The following ATP1A3 variants were observed in gnomAD, a reference collection of about 807,000 sequenced individuals.
ATP1A3 encodes the protein sodium/potassium-transporting ATPase subunit alpha-3.
Under a neutral mutation model 108.8 loss-of-function variants are expected in ATP1A3, and 12 were observed. The ratio of observed to expected loss-of-function variants is 0.11; its 90% CI spans 0.07 to 0.18. The LOEUF (loss-of-function observed/expected upper bound fraction) is 0.18, where lower values mean the gene tolerates loss of function less well. Among genes scored for constraint, ATP1A3 ranks in the 10% least tolerant of loss-of-function variants. ATP1A3 has a pLI of 1.00. For synonymous variants in ATP1A3, 539 were observed against 564.5 expected, an observed-to-expected ratio of 0.95 and a Z score of 0.64; for missense variants, 498 against 1,387.7, an observed-to-expected ratio of 0.36 and a Z score of 10.19.
At chr19:41,986,094 C>T in intron 5 of ATP1A3, 22 bp downstream of exon 5, 1 of 1,614,150 alleles carries the variant, frequency 6.2e-7, no homozygotes, top group Non-Finnish European at 8.5e-7. Flanking sequence ...CCCCGTCTGG[C>T]CCCTTGCTGG....
chr19:41,967,651 G>A lies in ATP1A3; in HGVS notation c.2921+11C>T, dbSNP rs190570469. On this transcript the variant is annotated intron_variant, in intron 21 of 22. Transcript: ENST00000648268. The surrounding 1 kb of genome is among the most constrained non-coding windows in gnomAD (Gnocchi z 4.2). ...TGGTGTGGGCAGGGCTGGGGGCAGC[G>A]GGGCACTCACTTGAGAGGGTACATG... 4.0e-4 allele frequency: 648 copies of A among 1,613,348 alleles called. No homozygotes were observed. The African/African-American group carries it at 7.3e-3, about 18-fold the overall frequency.
chr19:41,967,424 GC>G lies in ATP1A3; in HGVS notation c.2922-85del. 1.4e-6 allele frequency: 2 copies of G among 1,464,426 alleles called. No homozygotes were observed. The highest frequency in any genetic ancestry group is 1.9e-6 in the Non-Finnish European group (2 of 1,070,796). The allele number at this position is 1,464,426 out of a possible 1,614,324, so 90.7% of individuals were successfully genotyped here. On this transcript the variant is annotated intron_variant, in intron 21 of 22. Transcript: ENST00000648268. This position sits in a 1 kb window ranked among gnomAD's most constrained non-coding sequence, Gnocchi z 4.2. ...AGGGGACTGGAGGGGACGCAGAGGGGCAGTCTCCCAGGATCCTTCGTGCTCA... is the reference window on the plus strand; with the variant it reads ...AGGGGACTGGAGGGGACGCAGAGGGGAGTCTCCCAGGATCCTTCGTGCTCA...
intron 11 of ATP1A3, among the ~76,000 whole-genome samples, chr19:41,980,778 G>A (rs1454984137): frequency 6.6e-6 from 1 of 152,034 alleles, no homozygotes; most frequent in Non-Finnish European, 1.5e-5. Context: ...GGGCATGGTG[G>A]CGGGCGCCTG....
Position 41,978,468 on chromosome 19 carries a change from CT to C in ATP1A3, c.1630+137del, listed in dbSNP as rs2145965544. 1 of 1,482,684 alleles carries C rather than the reference CT, an allele frequency of 6.7e-7. No homozygotes were observed. 91.8% of individuals were successfully genotyped at this position (1,482,684 alleles called of 1,614,324 possible). ...CATTCATTTCCTAGGATACCTTCCC[CT>C]CTCATCCATCCATTCATTCATTCAT... On this transcript the variant is annotated intron_variant, in intron 12 of 22. Transcript: ENST00000648268. This position sits in a 1 kb window ranked among gnomAD's most constrained non-coding sequence, Gnocchi z 8.3.
At position 41,967,412 on chromosome 19, in the gene ATP1A3, G is replaced by A. The variant is rs2075055092; in HGVS notation, c.2922-72C>T. 3 of 1,501,090 alleles carry A rather than the reference G, an allele frequency of 2.0e-6. No homozygotes were observed. Among genetic ancestry groups the A allele is most frequent in the South Asian group, 2.3e-5 (2 of 87,546 alleles). The allele number at this position is 1,501,090 out of a possible 1,614,324, so 93.0% of individuals were successfully genotyped here. A position where few individuals can be genotyped will look rare whatever the true frequency, so the allele number is the denominator to read the frequency against. Reference sequence around the variant, plus strand: ...AGGCAGAGTTTCAGGGGACTGGAGGGGACGCAGAGGGGCAGTCTCCCAGGA... The same window carrying A: ...AGGCAGAGTTTCAGGGGACTGGAGGAGACGCAGAGGGGCAGTCTCCCAGGA... On this transcript the variant is annotated intron_variant, in intron 21 of 22. Coordinates refer to ENST00000648268, the MANE Select transcript of ATP1A3 (RefSeq NM_152296.5). The surrounding 1 kb of genome is among the most constrained non-coding windows in gnomAD (Gnocchi z 4.2).
intron 1 of ATP1A3, 75 bp downstream of exon 1, chr19:41,993,996 G>GC: frequency 5.0e-6 from 8 of 1,591,968 alleles, no homozygotes; most frequent in East Asian, 2.3e-5. Flanking sequence ...CGGTGCCCCC[G>GC]CCCCCCGCGC....
At chr19:41,989,899 A>G (rs1555866744) in intron 1 of ATP1A3, among the ~76,000 whole-genome samples, 2 of 150,742 alleles carry the variant, frequency 1.3e-5, no homozygotes, top group African/African-American at 2.4e-5. Context: ...GTCTCTCTGC[A>G]TGTGTCTTTC....
chr19:41,970,930 C>T (rs60899554), intron 16 of ATP1A3, among the ~76,000 whole-genome samples: 2 of 151,804 alleles, frequency 1.3e-5, no homozygotes, highest in African/African-American at 4.8e-5. Context: ...CCGCGCCCGG[C>T]CTGTCCAGCG....
At chr19:41,991,021 T>A (rs924632220) in intron 1 of ATP1A3, 3 of 152,308 alleles carry the variant, frequency 2.0e-5, no homozygotes, top group African/African-American at 7.2e-5. Flanking sequence ...GCAGGAGAGT[T>A]AGAGGCAGAA....
Position 41,966,831 on chromosome 19 carries a change from A to G in ATP1A3, c.*106T>C, listed in dbSNP as rs180885057. On this transcript the variant is annotated 3_prime_UTR_variant, in exon 23 of 23. Transcript: ENST00000648268. ...GGGGTGGGGGCCAAGGTGGGGCCACAGGAAGAGAGGGCTCCTCCCCCCAGA... is the reference window on the plus strand; with the variant it reads ...GGGGTGGGGGCCAAGGTGGGGCCACGGGAAGAGAGGGCTCCTCCCCCCAGA... 2.9e-3 allele frequency: 4,500 copies of G among 1,544,634 alleles called. 61 individuals are homozygous for G. The African/African-American group carries it at 0.037, about 13-fold the overall frequency.
intron 8 of ATP1A3, 45 bp from the exon 9 acceptor site, chr19:41,982,151 C>A (rs2145972761): frequency 1.9e-6 from 3 of 1,613,318 alleles, no homozygotes; most frequent in East Asian, 4.5e-5. Context: ...ACAAGCCCGG[C>A]AGCAGGGTTG....
intron 4 of ATP1A3, chr19:41,986,757 T>G: frequency 5.9e-6 from 1 of 168,452 alleles, no homozygotes; most frequent in South Asian, 1.5e-4. Context: ...TTTTTTTTTT[T>G]TTTGAGACAG....
At chr19:41,982,223 A>G (rs905077772) in intron 8 of ATP1A3, 117 bp from the exon 9 acceptor site, 5 of 1,562,422 alleles carry the variant, frequency 3.2e-6, no homozygotes, top group South Asian at 2.2e-5. Flanking sequence ...GAGGGCCTGG[A>G]AAAGAATGAG....
rs1555863472 is a variant in ATP1A3 at position 41,981,736 on chromosome 19, T to C, written c.1288A>G (p.Ile430Val). ...RAVFKGGQDN[I>V]PVLKRDVAGD... ...GCTGAACCCACCTTGAGCACAGGGA[T>C]GTTGTCCTGACCACCCTTGAAGACA... The change falls in exon 10 of 23, where the codon ATC (isoleucine) becomes GTC (valine). Residue 430 changes from isoleucine to valine, a missense_variant. Around this residue, in one of 9 missense-constraint regions of ATP1A3, gnomAD observed 36 missense variants for 58.7 expected, o/e 0.61. Coordinates refer to ENST00000648268, the MANE Select transcript of ATP1A3 (RefSeq NM_152296.5). This position sits in a 1 kb window ranked among gnomAD's most constrained non-coding sequence, Gnocchi z 5.0. 1.2e-6 allele frequency: 2 copies of C among 1,614,128 alleles called. No individual in the cohort carries two copies. The highest frequency in any genetic ancestry group is 1.7e-6 in the Non-Finnish European group (2 of 1,180,024).
chr19:41,982,844 A>G (rs989416632), intron 8 of ATP1A3, among the ~76,000 whole-genome samples: 8 of 152,222 alleles, frequency 5.3e-5, no homozygotes, highest in Non-Finnish European at 7.3e-5. Context: ...GAACACAGGC[A>G]AAGTTAATCT....
At position 41,978,835 on chromosome 19, in the gene ATP1A3, G is replaced by A. The variant is rs1464263011; in HGVS notation, c.1438-37C>T. The stretch of plus-strand genomic sequence containing the variant: ...TCAGAGGGTGGCGTGCCTGAGCCAC[G>A]CAGACACCAGGAAGCTCCCTGCCCC... On this transcript the variant is annotated intron_variant, in intron 11 of 22. Coordinates refer to ENST00000648268, the MANE Select transcript of ATP1A3 (RefSeq NM_152296.5). This position sits in a 1 kb window ranked among gnomAD's most constrained non-coding sequence, Gnocchi z 8.3. The A allele has an allele frequency of 8.1e-6, 13 of 1,607,724 alleles. No homozygotes were observed. Among genetic ancestry groups the A allele is most frequent in the East Asian group, 4.5e-5 (2 of 44,760 alleles).
At chr19:41,976,961 C>T (rs528161172) in intron 14 of ATP1A3, among the ~76,000 whole-genome samples, 3 of 151,832 alleles carry the variant, frequency 2.0e-5, no homozygotes, top group South Asian at 2.1e-4. Flanking sequence ...CCCACCACCA[C>T]GCCTGGCTAA....
At chr19:41,989,336 T>TC (rs1406833758) in intron 1 of ATP1A3, among the ~76,000 whole-genome samples, 91 of 149,634 alleles carry the variant, frequency 6.1e-4, no homozygotes, top group African/African-American at 2.2e-3. Flanking sequence ...TTTTTTTTTT[T>TC]GAGACGGAGT....
In ATP1A3 at chr19:41,978,139, C is replaced by T. The variant is rs1555862070; in HGVS notation, c.1806+12G>A. 3.7e-6 allele frequency: 6 copies of T among 1,614,098 alleles called. No individual in the cohort carries two copies. In the African/African-American group the frequency reaches 4.0e-5, roughly 11 times the overall value. On this transcript the variant is annotated intron_variant, in intron 13 of 22. Transcript: ENST00000648268. This position sits in a 1 kb window ranked among gnomAD's most constrained non-coding sequence, Gnocchi z 8.3. ...GCCTGGCTTTGCCTCCCCCAGCCACCCCAAGCCACACCTTGATGCCTGCGC... is the reference window on the plus strand; with the variant it reads ...GCCTGGCTTTGCCTCCCCCAGCCACTCCAAGCCACACCTTGATGCCTGCGC...
Sources: allele counts gnomAD v4.1 joint callset (sites outside exome capture counted in the v4.1 genomes callset), GRCh38; gene constraint gnomAD v4.1.1; regional missense constraint gnomAD v4.1.1; non-coding constraint Gnocchi (gnomAD v3.1); transcripts MANE v1.5; gene names NCBI Gene and HGNC (gene_info 2026-07-23, HGNC 2026-07-21).